ITSN1: variants seen among roughly 807,000 people sequenced by gnomAD.
ITSN1 encodes the protein intersectin-1.
In ITSN1, 58 loss-of-function variants were observed where a neutral mutation model predicts 239.8. The ratio of observed to expected loss-of-function variants is 0.24; its 90% CI spans 0.20 to 0.30. ITSN1 has a LOEUF of 0.30. Among genes scored for constraint, ITSN1 ranks in the 10% least tolerant of loss-of-function variants. The pLI is 1.00. For synonymous variants in ITSN1, 780 were observed against 770.8 expected, an observed-to-expected ratio of 1.01 and a Z score of -0.20; for missense variants, 1,558 against 2,103.3, an observed-to-expected ratio of 0.74 and a Z score of 5.07.
Position 33,775,099 on chromosome 21 carries a change from A to G in ITSN1, c.1587A>G (p.Gln529=). 1.2e-6 allele frequency: 2 copies of G among 1,612,268 alleles called. No individual in the cohort carries two copies. Among genetic ancestry groups the G allele is most frequent in the South Asian group, 1.1e-5 (1 of 90,252 alleles). Residue 529 remains glutamine, a synonymous_variant, in exon 14 of 40, where the codon CAA becomes CAG. Coordinates refer to ENST00000381318, the MANE Select transcript of ITSN1 (RefSeq NM_003024.3). ...TTGCCGAAATCACCCATCTACAGCA[A>G]CAATTACAGGTGAGGAAATATGCCT... ...LRIAEITHLQ[Q]QLQESQQMLG...
chr21:33,644,507 T>C (rs971249431), intron 1 of ITSN1, among the ~76,000 whole-genome samples: 15 of 152,352 alleles, frequency 9.8e-5, no homozygotes, highest in Admixed American at 8.5e-4. Flanking sequence ...AAAACTCTTT[T>C]ATTATTCTGC....
At position 33,823,611 on chromosome 21, in the gene ITSN1, C is replaced by T. The variant is rs200854443; in HGVS notation, c.3141C>T (p.Ala1047=). 15 of 1,614,132 alleles carry T rather than the reference C, an allele frequency of 9.3e-6. No homozygotes were observed. Among genetic ancestry groups the T allele is most frequent in the East Asian group, 2.2e-5 (1 of 44,892 alleles). The stretch of plus-strand genomic sequence containing the variant: ...GGACAGGAACAGTGGGCGACAAGGC[C>T]GGAGTCTTCCCTTCTAACTATGTGA... ...DWWTGTVGDK[A]GVFPSNYVRL... Residue 1047 remains alanine, a synonymous_variant, in exon 25 of 40, where the codon GCC becomes GCT. Transcript: ENST00000381318.
chr21:33,702,786 A>G (rs886195607), intron 1 of ITSN1, among the ~76,000 whole-genome samples: 63 of 152,192 alleles, frequency 4.1e-4, no homozygotes, highest in African/African-American at 1.4e-3. Flanking sequence ...ATTTTAATAA[A>G]TATTGTTTTA....
intron 30 of ITSN1, among the ~76,000 whole-genome samples, chr21:33,858,477 C>T (rs1405766971): frequency 6.6e-6 from 1 of 152,202 alleles, no homozygotes; most frequent in Non-Finnish European, 1.5e-5. Flanking sequence ...TAAAACAATG[C>T]AGGCCCTGCT....
chr21:33,795,967 A>G (rs7509795), intron 17 of ITSN1, among the ~76,000 whole-genome samples: 1 of 67,370 alleles, frequency 1.5e-5, no homozygotes, highest in Non-Finnish European at 3.1e-5. Flanking sequence ...TTTTTTTTTT[A>G]ATTTTTTATT....
intron 35 of ITSN1, 133 bp from the exon 36 acceptor site, chr21:33,883,417 G>T: frequency 8.3e-7 from 1 of 1,204,976 alleles, no homozygotes. Flanking sequence ...ACACGCACGA[G>T]TGTGCACACA....
At chr21:33,844,798 G>A (rs554565852) in intron 29 of ITSN1, among the ~76,000 whole-genome samples, 1 of 152,192 alleles carries the variant, frequency 6.6e-6, no homozygotes, top group Non-Finnish European at 1.5e-5. Context: ...GAGGCCCCGT[G>A]ACAAGACCCC....
At chr21:33,729,407 C>A (rs1297306831) in intron 4 of ITSN1, among the ~76,000 whole-genome samples, 1 of 151,450 alleles carries the variant, frequency 6.6e-6, no homozygotes, top group Non-Finnish European at 1.5e-5. Flanking sequence ...ATGATTGTGC[C>A]ACTGTACTCC....
chr21:33,818,141 A>T, intron 22 of ITSN1, 126 bp from the exon 23 acceptor site: 2 of 715,482 alleles, frequency 2.8e-6, no homozygotes, highest in Non-Finnish European at 4.8e-6. Flanking sequence ...GTGCTGCCTC[A>T]GGGCCCTTTG....
chr21:33,835,945 T>C (rs1050974475), intron 28 of ITSN1, among the ~76,000 whole-genome samples: 3 of 152,044 alleles, frequency 2.0e-5, no homozygotes, highest in African/African-American at 7.2e-5. Flanking sequence ...AAATAAATAA[T>C]AAATAAATAA....
In ITSN1 at chr21:33,877,825, TTGTGTGTGTGTGTG is replaced by T. The variant is rs3835379; in HGVS notation, c.4341+2327_4341+2340del. Among the ~76,000 whole-genome samples the T allele has an allele frequency of 2.1e-3, 309 of 147,268 alleles. 1 individual carries two copies. The highest frequency in any genetic ancestry group is 6.8e-3 in the African/African-American group (271 of 39,770). Reference sequence around the variant, plus strand: ...GCAAATTTCTTACTTTGTTTCTATTTTGTGTGTGTGTGTGTGTGTGTGTGTGTGTGTGTGTGCCA... The same window carrying T: ...GCAAATTTCTTACTTTGTTTCTATTTTGTGTGTGTGTGTGTGTGTGTGCCA... On this transcript the variant is annotated intron_variant, in intron 34 of 39. Transcript: ENST00000381318.
intron 33 of ITSN1, among the ~76,000 whole-genome samples, chr21:33,869,713 A>T (rs1389040862): frequency 6.6e-6 from 1 of 152,154 alleles, no homozygotes; most frequent in Non-Finnish European, 1.5e-5. Flanking sequence ...GAGGTTTTAG[A>T]TCTGGTTCCT....
chr21:33,748,807 G>A (rs1321677608), intron 5 of ITSN1, among the ~76,000 whole-genome samples: 2 of 152,092 alleles, frequency 1.3e-5, no homozygotes, highest in African/African-American at 4.8e-5. Context: ...GAAGGCTACA[G>A]TGAGCTATGA....
intron 8 of ITSN1, among the ~76,000 whole-genome samples, chr21:33,760,767 A>G (rs1378094946): frequency 1.3e-5 from 2 of 152,220 alleles, no homozygotes; most frequent in Non-Finnish European, 2.9e-5. Flanking sequence ...AAGCAAAAAC[A>G]TATACACCAG....
At chr21:33,752,532 A>G (rs1244561281) in intron 7 of ITSN1, among the ~76,000 whole-genome samples, 4 of 152,104 alleles carry the variant, frequency 2.6e-5, no homozygotes, top group African/African-American at 7.2e-5. Flanking sequence ...TTTTACTCCT[A>G]TGTTTTACCC....
intron 22 of ITSN1, 150 bp downstream of exon 22, chr21:33,814,222 G>T: frequency 6.2e-5 from 26 of 419,974 alleles, no homozygotes; most frequent in East Asian, 1.2e-4. Flanking sequence ...GCAGGAGCCA[G>T]AAATCTGCTG....
intron 1 of ITSN1, among the ~76,000 whole-genome samples, chr21:33,653,098 G>A (rs2088695264): frequency 6.6e-6 from 1 of 150,474 alleles, no homozygotes; most frequent in South Asian, 2.2e-4. Context: ...GGGTTCAAGT[G>A]ATTCTCCTGC....
chr21:33,845,637 A>G (rs2074968575), intron 29 of ITSN1, among the ~76,000 whole-genome samples: 1 of 152,044 alleles, frequency 6.6e-6, no homozygotes, highest in African/African-American at 2.4e-5. Flanking sequence ...CTCCTCGAGG[A>G]AGCCTTCCCT....
intron 1 of ITSN1, among the ~76,000 whole-genome samples, chr21:33,712,269 A>G (rs1448187986): frequency 6.6e-6 from 1 of 151,666 alleles, no homozygotes; most frequent in African/African-American, 2.4e-5. Context: ...GGACATTGTG[A>G]GTTTCATGTT....
Sources: gnomAD v4.1 joint callset for allele counts (sites outside exome capture counted in the v4.1 genomes callset) on GRCh38, gnomAD v4.1.1 for gene constraint, MANE v1.5 for transcripts, NCBI Gene and HGNC (gene_info 2026-07-23, HGNC 2026-07-21) for gene names.